COMMD10: variants seen among roughly 807,000 people sequenced by gnomAD.
The protein encoded by COMMD10 is COMM domain-containing protein 10.
In COMMD10, 33 loss-of-function variants were observed where a neutral mutation model predicts 28.9. The ratio of observed to expected loss-of-function variants is 1.14; its 90% CI spans 0.87 to 1.53. The LOEUF (loss-of-function observed/expected upper bound fraction) is 1.53. Ranked by LOEUF, COMMD10 falls within the 40% of genes most tolerant of loss-of-function variation. COMMD10 has a pLI of 0.00. For synonymous variants in COMMD10, 110 were observed against 81.7 expected (o/e 1.35, Z -1.87); for missense variants, 310 against 233.4 (o/e 1.33, Z -2.14).
chr5:116,290,902 T>C (rs763263088), intron 5 of COMMD10, among the ~76,000 whole-genome samples: 15 of 152,188 alleles, frequency 9.9e-5, no homozygotes, highest in Non-Finnish European at 1.8e-4. Flanking sequence ...ACATATACAA[T>C]ATTACCTAGC....
At chr5:116,177,765 C>T (rs927864659) in intron 5 of COMMD10, among the ~76,000 whole-genome samples, 1 of 152,146 alleles carries the variant, frequency 6.6e-6, no homozygotes, top group African/African-American at 2.4e-5. Flanking sequence ...ACCTTGTTTG[C>T]CCAAACCTTT....
At chr5:116,125,839 CTG>C (rs747442036) in intron 4 of COMMD10, among the ~76,000 whole-genome samples, 10 of 152,034 alleles carry the variant, frequency 6.6e-5, no homozygotes, top group Non-Finnish European at 1.5e-4. Context: ...TGGGCAAAAA[CTG>C]GAAGCATTCT....
chr5:116,167,568 G>A (rs980196270), intron 5 of COMMD10, among the ~76,000 whole-genome samples: 21 of 152,212 alleles, frequency 1.4e-4, no homozygotes, highest in African/African-American at 4.6e-4. Context: ...TGGACATGAC[G>A]GAAAAAATGT....
intron 4 of COMMD10, among the ~76,000 whole-genome samples, chr5:116,120,624 A>G (rs1035464564): frequency 1.1e-4 from 17 of 152,130 alleles, no homozygotes; most frequent in African/African-American, 4.1e-4. Context: ...ACATTCTGTC[A>G]CTATAGATGG....
chr5:116,226,926 T>C (rs1408716527), intron 5 of COMMD10, among the ~76,000 whole-genome samples: 3 of 152,078 alleles, frequency 2.0e-5, no homozygotes, highest in Admixed American at 1.3e-4. Flanking sequence ...AACACTCTTT[T>C]TCAGACGTTC....
intron 5 of COMMD10, among the ~76,000 whole-genome samples, chr5:116,151,403 T>G (rs1752522995): frequency 6.6e-6 from 1 of 152,106 alleles, no homozygotes; most frequent in African/African-American, 2.4e-5. Context: ...TCCCTCTTTT[T>G]CTATTGATTG....
intron 4 of COMMD10, among the ~76,000 whole-genome samples, chr5:116,102,789 T>G (rs1306952377): frequency 6.6e-6 from 1 of 152,146 alleles, no homozygotes; most frequent in Non-Finnish European, 1.5e-5. Flanking sequence ...CTACATTAGG[T>G]ATTTCTCCTA....
intron 5 of COMMD10, among the ~76,000 whole-genome samples, chr5:116,162,530 G>A (rs1427532174): frequency 1.3e-5 from 2 of 152,156 alleles, no homozygotes; most frequent in African/African-American, 4.8e-5. Context: ...CTACTACATA[G>A]TAGCACATAT....
Position 116,195,273 on chromosome 5 carries a change from C to T in COMMD10, c.510+61095C>T, listed in dbSNP as rs186792547. Among the ~76,000 whole-genome samples, 16 of 151,758 alleles carry T rather than the reference C, an allele frequency of 1.1e-4. No homozygotes were observed. In the East Asian group the frequency reaches 1.9e-3, roughly 18 times the overall value. ...CTGGAACAAGATAAGGATACCTACT[C>T]TCCCTACTCCTCTTCAGTATAGTAC... On this transcript the variant is annotated intron_variant, in intron 5 of 6. Coordinates refer to ENST00000274458, the MANE Select transcript of COMMD10 (RefSeq NM_016144.4).
rs111761177 is a variant in COMMD10 at position 116,196,476 on chromosome 5, T to C, written c.510+62298T>C. 8.0e-3 allele frequency among the ~76,000 whole-genome samples: 1,202 copies of C among 151,114 alleles called. 16 individuals carry two copies. Among genetic ancestry groups the C allele is most frequent in the African/African-American group, 0.027 (1,110 of 40,680 alleles). On this transcript the variant is annotated intron_variant, in intron 5 of 6. Coordinates refer to ENST00000274458, the MANE Select transcript of COMMD10 (RefSeq NM_016144.4). Reference sequence around the variant, plus strand: ...TACTCATGTAACCGAATACCACCTGTACCCCAGTAACTTATGGAAAAATAA... The same window carrying C: ...TACTCATGTAACCGAATACCACCTGCACCCCAGTAACTTATGGAAAAATAA...
At chr5:116,163,530 G>A (rs570649032) in intron 5 of COMMD10, among the ~76,000 whole-genome samples, 2 of 151,666 alleles carry the variant, frequency 1.3e-5, no homozygotes, top group East Asian at 1.9e-4. Flanking sequence ...TAGAGGTTTC[G>A]GTGAGCCAAG....
rs559674652 is a variant in COMMD10 at position 116,127,089 on chromosome 5, A to G, written c.400-6979A>G. Among the ~76,000 whole-genome samples the G allele has an allele frequency of 4.6e-5, 7 of 152,312 alleles. No individual in the cohort carries two copies. In the South Asian group the frequency reaches 6.2e-4, roughly 14 times the overall value. On this transcript the variant is annotated intron_variant, in intron 4 of 6. Coordinates refer to ENST00000274458, the MANE Select transcript of COMMD10 (RefSeq NM_016144.4). ...TGAACAAATTTACAAGAGAAAATCAAACAACCCCATCAAAAAGTGGGCAAA... is the reference window on the plus strand; with the variant it reads ...TGAACAAATTTACAAGAGAAAATCAGACAACCCCATCAAAAAGTGGGCAAA...
chr5:116,161,218 T>TA (rs1161514343), intron 5 of COMMD10, among the ~76,000 whole-genome samples: 2 of 152,198 alleles, frequency 1.3e-5, no homozygotes, highest in South Asian at 4.1e-4. Flanking sequence ...AAACCTGGTT[T>TA]AAATTCTTTC....
chr5:116,128,022 A>G (rs959727853), intron 4 of COMMD10, among the ~76,000 whole-genome samples: 1 of 152,114 alleles, frequency 6.6e-6, no homozygotes. Context: ...TATGTGTGTC[A>G]GTTCGCAGCA....
At chr5:116,108,581 C>G (rs968718857) in intron 4 of COMMD10, among the ~76,000 whole-genome samples, 1 of 152,234 alleles carries the variant, frequency 6.6e-6, no homozygotes, top group African/African-American at 2.4e-5. Context: ...GACTGCTGTG[C>G]TAGCAGCGAG....
intron 5 of COMMD10, among the ~76,000 whole-genome samples, chr5:116,185,618 CAT>C (rs1210294814): frequency 1.3e-5 from 2 of 152,038 alleles, no homozygotes; most frequent in African/African-American, 2.4e-5. Flanking sequence ...GAGAACAAAA[CAT>C]AGCAAAAGGA....
At chr5:116,145,992 A>G (rs1752337937) in intron 5 of COMMD10, among the ~76,000 whole-genome samples, 1 of 151,894 alleles carries the variant, frequency 6.6e-6, no homozygotes, top group African/African-American at 2.4e-5. Context: ...GCAGTAATAC[A>G]GCTTTCCTAG....
At chr5:116,087,653 T>G (rs1750151594) in intron 2 of COMMD10, 66 bp downstream of exon 2, 2 of 1,161,046 alleles carry the variant, frequency 1.7e-6, no homozygotes, top group Admixed American at 1.7e-5. Context: ...TCTGATTATT[T>G]GGAGAACTTT....
chr5:116,097,415 G>T (rs1356097402), intron 4 of COMMD10, among the ~76,000 whole-genome samples: 1 of 152,106 alleles, frequency 6.6e-6, no homozygotes, highest in African/African-American at 2.4e-5. Context: ...TAAAATTGAG[G>T]CTTAGAGAGG....
Sources: gnomAD v4.1 joint callset for allele counts (sites outside exome capture counted in the v4.1 genomes callset) on GRCh38, gnomAD v4.1.1 for gene constraint, MANE v1.5 for transcripts, NCBI Gene and HGNC (gene_info 2026-07-23, HGNC 2026-07-21) for gene names.